Variants in CEP120 observed in about 807,000 individuals in gnomAD.
CEP120 encodes the protein centrosomal protein 120.
Under a neutral mutation model 126.5 loss-of-function variants are expected in CEP120, and 113 were observed. The observed-to-expected ratio is 0.89, with a 90% CI of 0.77 to 1.04. The LOEUF is 1.04. Ranked by LOEUF, CEP120 falls within the 50% of genes least tolerant of loss-of-function variation. CEP120 has a pLI of 0.00. For missense variants in CEP120, 1,230 were observed against 1,155.7 expected, an observed-to-expected ratio of 1.06 and a Z score of -0.93; for synonymous variants, 400 against 394.3, an observed-to-expected ratio of 1.01 and a Z score of -0.17.
At chr5:123,388,058 T>C (rs1207139839) in intron 9 of CEP120, among the ~76,000 whole-genome samples, 1 of 48,066 alleles carries the variant, frequency 2.1e-5, no homozygotes, top group African/African-American at 8.2e-5. Context: ...TTACTTTTTT[T>C]TGACCATTAT....
chr5:123,410,136 T>G (rs1021278112), intron 4 of CEP120, among the ~76,000 whole-genome samples: 1 of 152,066 alleles, frequency 6.6e-6, no homozygotes, highest in Non-Finnish European at 1.5e-5. Flanking sequence ...AATTCGTATA[T>G]AAATCTAACA....
intron 18 of CEP120, chr5:123,358,418 C>A (rs1488617977): frequency 6.6e-6 from 1 of 151,958 alleles, no homozygotes; most frequent in Admixed American, 6.6e-5. Context: ...CATATCTGGA[C>A]AAAAATACAC....
intron 3 of CEP120, among the ~76,000 whole-genome samples, chr5:123,412,913 C>A (rs772887476): frequency 6.6e-6 from 1 of 152,132 alleles, no homozygotes; most frequent in East Asian, 1.9e-4. Flanking sequence ...TATCTTCTCA[C>A]GTTTTTAAAT....
In CEP120 at chr5:123,390,114, A is replaced by C. The variant is rs1772295658; in HGVS notation, c.1065T>G (p.Asn355Lys). 2 of 1,612,348 alleles carry C rather than the reference A, an allele frequency of 1.2e-6. No homozygotes were observed. The highest frequency in any genetic ancestry group is 4.5e-5 in the East Asian group (2 of 44,862). Residue 355 changes from asparagine (N) to lysine (K), a missense_variant, in exon 8 of 20, where the codon AAT (asparagine) becomes AAG (lysine). Coordinates refer to ENST00000306467, the MANE Select transcript of CEP120 (RefSeq NM_001375405.1). ...SQSLIELKTQNEHEPEHSKKK... is the reference protein window; with the variant it reads ...SQSLIELKTQKEHEPEHSKKK... ...TCTTTGAATGCTCTGGCTCATGTTCATTCTGGGTCTTTAATTCAATTAAAG... is the reference window on the plus strand; with the variant it reads ...TCTTTGAATGCTCTGGCTCATGTTCCTTCTGGGTCTTTAATTCAATTAAAG...
intron 4 of CEP120, among the ~76,000 whole-genome samples, chr5:123,404,334 G>A (rs1178873025): frequency 6.6e-6 from 1 of 152,174 alleles, no homozygotes; most frequent in African/African-American, 2.4e-5. Context: ...ACACATCGCT[G>A]AAATTCAATT....
intron 18 of CEP120, among the ~76,000 whole-genome samples, chr5:123,363,235 T>C (rs1770217321): frequency 6.6e-6 from 1 of 151,618 alleles, no homozygotes; most frequent in African/African-American, 2.4e-5. Flanking sequence ...CTATCACAAA[T>C]ACCTCCTCTC....
chr5:123,405,302 C>T (rs1773568074), intron 4 of CEP120, among the ~76,000 whole-genome samples: 1 of 152,206 alleles, frequency 6.6e-6, no homozygotes, highest in Admixed American at 6.5e-5. Flanking sequence ...AAGGCAGCCC[C>T]ACACTTTCGT....
intron 4 of CEP120, among the ~76,000 whole-genome samples, chr5:123,407,203 G>A (rs1357257917): frequency 2.7e-5 from 4 of 150,834 alleles, no homozygotes; most frequent in Non-Finnish European, 5.9e-5. Context: ...GACAAAAACA[G>A]GAATAAGAAA....
At chr5:123,387,639 G>A (rs2127062802) in intron 9 of CEP120, among the ~76,000 whole-genome samples, 1 of 152,136 alleles carries the variant, frequency 6.6e-6, no homozygotes, top group South Asian at 2.1e-4. Flanking sequence ...CGTATCAAAT[G>A]AATTCTATGA....
At chr5:123,360,311 A>G (rs1769982939) in intron 18 of CEP120, among the ~76,000 whole-genome samples, 1 of 151,980 alleles carries the variant, frequency 6.6e-6, no homozygotes. Context: ...GCAGAGCACA[A>G]TTCACTATGA....
chr5:123,399,337 A>G lies in CEP120; in HGVS notation c.464-53T>C, dbSNP rs1446143020. On this transcript the variant is annotated intron_variant, in intron 4 of 19. Coordinates refer to ENST00000306467, the MANE Select transcript of CEP120 (RefSeq NM_001375405.1). ...ACATTGTAGTTTGTCATAAACCATTATAAGATTTTTAAAACTGATTATATT... is the reference window on the plus strand; with the variant it reads ...ACATTGTAGTTTGTCATAAACCATTGTAAGATTTTTAAAACTGATTATATT... 2.6e-6 allele frequency: 4 copies of G among 1,542,596 alleles called. No homozygotes were observed. The South Asian group carries it at 3.5e-5, about 13-fold the overall frequency.
rs578047790 is a variant in CEP120, at chr5:123,394,951, T to C, written c.613-1454A>G. On this transcript the variant is annotated intron_variant, in intron 5 of 19. Transcript: ENST00000306467. Reference sequence around the variant, plus strand: ...GGGTTGTTGGAAGGATTAAAAGAGATACATAGTCGCTGCTACAACAATGCC... The same window carrying C: ...GGGTTGTTGGAAGGATTAAAAGAGACACATAGTCGCTGCTACAACAATGCC... Among the ~76,000 whole-genome samples, 4 of 152,334 alleles carry C rather than the reference T, an allele frequency of 2.6e-5. No individual in the cohort carries two copies. In the South Asian group the frequency reaches 8.3e-4, roughly 32 times the overall value.
intron 18 of CEP120, among the ~76,000 whole-genome samples, chr5:123,356,584 TCC>T (rs2126982420): frequency 6.7e-6 from 1 of 149,816 alleles, no homozygotes. Flanking sequence ...TATTTTATGT[TCC>T]TTCTTCTCTC....
rs1769973267 is a variant in CEP120 at position 123,360,195 on chromosome 5, GTTT to G, written c.2580+4298_2580+4300del. 2.6e-5 allele frequency among the ~76,000 whole-genome samples: 4 copies of G among 152,044 alleles called. No homozygotes were observed. The South Asian group carries it at 8.3e-4, about 31-fold the overall frequency. On this transcript the variant is annotated intron_variant, in intron 18 of 19. Transcript: ENST00000306467. The stretch of plus-strand genomic sequence containing the variant: ...AATTACATTCAAGCACAATAAATGT[GTTT>G]TTAATAAAAAGTTTAAGGAAAAGAA...
intron 3 of CEP120, among the ~76,000 whole-genome samples, chr5:123,413,009 G>A (rs1774160637): frequency 6.6e-6 from 1 of 152,142 alleles, no homozygotes; most frequent in Admixed American, 6.6e-5. Context: ...GCTCATGCCT[G>A]TAATCCCAAC....
chr5:123,397,844 G>C (rs956162238), intron 5 of CEP120, among the ~76,000 whole-genome samples: 4 of 152,220 alleles, frequency 2.6e-5, no homozygotes, highest in Admixed American at 2.6e-4. Flanking sequence ...AGCACCTTGC[G>C]AGGCTGAGGT....
In CEP120 at chr5:123,396,303, T is replaced by C. The variant is rs374391036; in HGVS notation, c.613-2806A>G. Among the ~76,000 whole-genome samples the C allele has an allele frequency of 9.1e-4, 138 of 152,336 alleles. No homozygotes were observed. The Middle Eastern group carries it at 0.01, about 11-fold the overall frequency. ...ATTTGAATACCTATTTCCAATACTT[T>C]TGGGTGTATACCTAGGAGTAGTATT... On this transcript the variant is annotated intron_variant, in intron 5 of 19. Transcript: ENST00000306467.
rs1771755171 is a variant in CEP120, at chr5:123,382,933, A to G, written c.1861-44T>C. 4 of 1,607,148 alleles carry G rather than the reference A, an allele frequency of 2.5e-6. No homozygotes were observed. The South Asian group carries it at 3.3e-5, about 13-fold the overall frequency. ...AGTACATTTAAACACTCACACACAT[A>G]TGCACATTAGATTCCTTTTAAAAAA... On this transcript the variant is annotated intron_variant, in intron 12 of 19. Coordinates refer to ENST00000306467, the MANE Select transcript of CEP120 (RefSeq NM_001375405.1).
chr5:123,346,521 A>T lies in CEP120; in HGVS notation c.2959T>A (p.Ter987LysextTer1). 6.2e-7 allele frequency: 1 copy of T among 1,603,440 alleles called. No homozygotes were observed. The highest frequency in any genetic ancestry group is 8.5e-7 in the Non-Finnish European group (1 of 1,173,374). ...EILAKSNASN[*>K] ...CTATAAAGCTTTTCCAAATGTTATT[A>T]ATTACTGGCATTGCTTTTTGCCAAA... The change falls in exon 20 of 20, where the codon TAA (stop) becomes AAA (lysine). Residue 987 changes from the stop codon to lysine (K), a stop_lost. Coordinates refer to ENST00000306467, the MANE Select transcript of CEP120 (RefSeq NM_001375405.1).
Sources: allele counts gnomAD v4.1 joint callset (sites outside exome capture counted in the v4.1 genomes callset), GRCh38; gene constraint gnomAD v4.1.1; transcripts MANE v1.5; gene names NCBI Gene and HGNC (gene_info 2026-07-23, HGNC 2026-07-21).